The following RUNDC3B variants were observed in gnomAD, a reference collection of about 807,000 sequenced individuals.
The protein encoded by RUNDC3B is RUN domain-containing protein 3B.
Under a neutral mutation model 58.4 loss-of-function variants are expected in RUNDC3B, and 33 were observed. That is an observed-to-expected ratio of 0.56 (90% confidence interval 0.43 to 0.75). RUNDC3B has a LOEUF of 0.75. Ranked by LOEUF, RUNDC3B falls within the 30% of genes least tolerant of loss-of-function variation. RUNDC3B has a pLI of 0.00. For missense variants in RUNDC3B, 501 were observed against 535.7 expected (o/e 0.94, Z 0.64); for synonymous variants, 193 against 195.2 (o/e 0.99, Z 0.10).
chr7:87,692,287 CA>C (rs976584029), intron 2 of RUNDC3B, among the ~76,000 whole-genome samples: 2 of 151,620 alleles, frequency 1.3e-5, no homozygotes, highest in Non-Finnish European at 2.9e-5. Context: ...CTGGTCTCTA[CA>C]AAAAAAACAC....
intron 8 of RUNDC3B, among the ~76,000 whole-genome samples, chr7:87,796,536 G>A (rs1835829924): frequency 1.3e-5 from 2 of 152,146 alleles, no homozygotes; most frequent in East Asian, 1.9e-4. Context: ...ATTACACAAT[G>A]TGTGCTTGTA....
chr7:87,822,187 AT>A (rs1837497056), intron 10 of RUNDC3B, among the ~76,000 whole-genome samples: 1 of 152,178 alleles, frequency 6.6e-6, no homozygotes, highest in South Asian at 2.1e-4. Flanking sequence ...ACTCAAACAA[AT>A]TTACAAGAAA....
At chr7:87,641,412 A>G (rs1196056713) in intron 1 of RUNDC3B, among the ~76,000 whole-genome samples, 1 of 152,208 alleles carries the variant, frequency 6.6e-6, no homozygotes, top group Admixed American at 6.5e-5. Flanking sequence ...TGCTGAATCC[A>G]GACTAGGTTT....
At position 87,805,864 on chromosome 7, in the gene RUNDC3B, C is replaced by T. The variant is rs186636764; in HGVS notation, c.957-1509C>T. Among the ~76,000 whole-genome samples the T allele has an allele frequency of 3.9e-5, 6 of 152,198 alleles. No individual in the cohort carries two copies. The East Asian group carries it at 9.6e-4, about 24-fold the overall frequency. ...ATGATAGAGAAAAACCTAAGAGAAT[C>T]CAAAATAATGGTGGTTTATCATAAT... is the stretch of plus-strand genomic sequence containing the variant. On this transcript the variant is annotated intron_variant, in intron 8 of 10. Coordinates refer to ENST00000394654, the MANE Select transcript of RUNDC3B (RefSeq NM_001134405.2).
At chr7:87,656,985 A>G (rs189110036) in intron 2 of RUNDC3B, among the ~76,000 whole-genome samples, 4 of 152,268 alleles carry the variant, frequency 2.6e-5, no homozygotes, top group Admixed American at 2.6e-4. Flanking sequence ...CATAGCTTCT[A>G]TCATATCAAA....
At chr7:87,747,159 G>A (rs556349563) in intron 6 of RUNDC3B, among the ~76,000 whole-genome samples, 1 of 152,150 alleles carries the variant, frequency 6.6e-6, no homozygotes, top group African/African-American at 2.4e-5. Flanking sequence ...TTTGTCCCAC[G>A]GGGTGTTCCC....
intron 2 of RUNDC3B, among the ~76,000 whole-genome samples, chr7:87,689,686 A>C (rs969209939): frequency 6.6e-6 from 1 of 152,176 alleles, no homozygotes; most frequent in Non-Finnish European, 1.5e-5. Flanking sequence ...TTAGGAGGGT[A>C]TCATAATAAT....
At chr7:87,712,302 A>G (rs968099320) in intron 4 of RUNDC3B, among the ~76,000 whole-genome samples, 1 of 152,138 alleles carries the variant, frequency 6.6e-6, no homozygotes, top group Non-Finnish European at 1.5e-5. Context: ...AACCTTAGAC[A>G]TTTGAAATGA....
intron 2 of RUNDC3B, among the ~76,000 whole-genome samples, chr7:87,698,792 TG>T (rs1828742417): frequency 6.6e-6 from 1 of 152,164 alleles, no homozygotes; most frequent in Non-Finnish European, 1.5e-5. Context: ...GAAATACTTT[TG>T]AGGAGAAGTA....
rs557351204 is a variant in RUNDC3B at position 87,748,432 on chromosome 7, T to TA, written c.629+6857dup. ...CTTTTTCTTACAGTCGATCTGGAGC[T>TA]AAAATTCACAATGCAAGCCTCCGCA... On this transcript the variant is annotated intron_variant, in intron 6 of 10. Transcript: ENST00000394654. 2.4e-3 allele frequency among the ~76,000 whole-genome samples: 370 copies of TA among 152,306 alleles called. 1 individual carries two copies. Among genetic ancestry groups the TA allele is most frequent in the African/African-American group, 8.3e-3 (344 of 41,574 alleles).
intron 7 of RUNDC3B, among the ~76,000 whole-genome samples, chr7:87,771,680 T>C (rs1371728302): frequency 6.6e-6 from 1 of 152,122 alleles, no homozygotes; most frequent in African/African-American, 2.4e-5. Context: ...GCCCCAGGGA[T>C]GGGGGTGAAG....
intron 10 of RUNDC3B, among the ~76,000 whole-genome samples, chr7:87,827,208 C>A (rs921821063): frequency 2.0e-5 from 3 of 152,094 alleles, no homozygotes; most frequent in African/African-American, 7.2e-5. Context: ...AAACAAGGGG[C>A]CAGGCATGGT....
intron 2 of RUNDC3B, among the ~76,000 whole-genome samples, chr7:87,693,687 C>A (rs1243222197): frequency 6.6e-6 from 1 of 152,166 alleles, no homozygotes; most frequent in Non-Finnish European, 1.5e-5. Context: ...ACACCTTAGC[C>A]TCTCCAATAC....
At chr7:87,646,473 T>C (rs1467399465) in intron 1 of RUNDC3B, among the ~76,000 whole-genome samples, 1 of 152,170 alleles carries the variant, frequency 6.6e-6, no homozygotes, top group Non-Finnish European at 1.5e-5. Context: ...TGGTGTATTT[T>C]ATGGAGATGC....
At chr7:87,720,668 C>T (rs1326771580) in intron 4 of RUNDC3B, among the ~76,000 whole-genome samples, 1 of 150,948 alleles carries the variant, frequency 6.6e-6, no homozygotes, top group East Asian at 2.0e-4. Context: ...GTGGTGAGCT[C>T]TGGCTCACTG....
intron 1 of RUNDC3B, among the ~76,000 whole-genome samples, chr7:87,645,206 T>C (rs113000164): frequency 0.026 from 3,913 of 151,726 alleles, 167 homozygotes; most frequent in African/African-American, 0.089. Flanking sequence ...CCTCAGCCTC[T>C]TGAGTAGCTG....
At chr7:87,716,325 A>G (rs945961574) in intron 4 of RUNDC3B, among the ~76,000 whole-genome samples, 37 of 152,186 alleles carry the variant, frequency 2.4e-4, no homozygotes, top group Admixed American at 1.3e-3. Context: ...AGAGGAGCAA[A>G]GTTTGTTTTT....
At chr7:87,781,082 T>C (rs1834895837) in intron 8 of RUNDC3B, among the ~76,000 whole-genome samples, 1 of 152,208 alleles carries the variant, frequency 6.6e-6, no homozygotes, top group Non-Finnish European at 1.5e-5. Context: ...TTGGGCAGTA[T>C]GGTCATTTTC....
At chr7:87,720,710 C>G (rs568818968) in intron 4 of RUNDC3B, among the ~76,000 whole-genome samples, 1 of 151,552 alleles carries the variant, frequency 6.6e-6, no homozygotes, top group African/African-American at 2.4e-5. Flanking sequence ...AAATGATTCT[C>G]CTGACTCAGC....
Sources: gnomAD v4.1 joint callset for allele counts (sites outside exome capture counted in the v4.1 genomes callset) on GRCh38, gnomAD v4.1.1 for gene constraint, MANE v1.5 for transcripts, NCBI Gene and HGNC (gene_info 2026-07-23, HGNC 2026-07-21) for gene names.